Variants in GBP7 observed in about 807,000 individuals in gnomAD.
The protein encoded by GBP7 is guanylate-binding protein 7.
Under a neutral mutation model 61.3 loss-of-function variants are expected in GBP7, and 43 were observed. The ratio of observed to expected loss-of-function variants is 0.70; its 90% CI spans 0.55 to 0.91. GBP7 has a LOEUF of 0.91. GBP7 is among the 40% of genes least tolerant of loss of function. The probability of loss-of-function intolerance (pLI) is 0.00; values close to 1 mark genes in which losing one functional copy is unlikely to be tolerated. For synonymous variants in GBP7, 267 were observed against 271.0 expected (o/e 0.99, Z 0.14); for missense variants, 717 against 740.5 (o/e 0.97, Z 0.37).
Position 89,147,794 on chromosome 1 carries a change from T to C in GBP7, c.1153-15A>G. 1 of 1,613,100 alleles carries C rather than the reference T, an allele frequency of 6.2e-7. No homozygotes were observed. Among genetic ancestry groups the C allele is most frequent in the South Asian group, 1.1e-5 (1 of 91,044 alleles). ...TCCATGGTGTCCTGCCAGAAAAGTG[T>C]AGGGAAAAACAGTAGAAAGAAGCTG... On this transcript the variant is annotated splice_polypyrimidine_tract_variant and intron_variant, in intron 7 of 10. Transcript: ENST00000294671.
chr1:89,140,295 T>TG (rs1362837059), intron 9 of GBP7, among the ~76,000 whole-genome samples: 2 of 36,538 alleles, frequency 5.5e-5, no homozygotes, highest in African/African-American at 1.2e-4. Flanking sequence ...TGTTGTGGGG[T>TG]GGGGGGAGGG....
intron 3 of GBP7, among the ~76,000 whole-genome samples, chr1:89,159,651 A>G (rs1222114383): frequency 6.6e-6 from 1 of 152,230 alleles, no homozygotes; most frequent in Non-Finnish European, 1.5e-5. Flanking sequence ...GCAAATCAAA[A>G]CTACAGTGAG....
chr1:89,142,789 C>CAA (rs11425074), intron 8 of GBP7, among the ~76,000 whole-genome samples: 4 of 151,960 alleles, frequency 2.6e-5, no homozygotes, highest in East Asian at 1.9e-4. Flanking sequence ...TCCCTTCTTT[C>CAA]AAAAAAAATT....
rs768680985 is a variant in GBP7, at chr1:89,171,777, G to A, written c.159C>T (p.Tyr53=). The change falls in exon 2 of 11, where the codon TAC becomes TAT. Residue 53 remains tyrosine, a synonymous_variant. Transcript: ENST00000294671. ...TCTTCCCAGCCAGCTTGTTCATTAG[G>A]TAGGATTTGCCTGTGCGGTAGAGGC... The part of the protein sequence containing the change: ...IVGLYRTGKS[Y]LMNKLAGKNK... 1.7e-5 allele frequency: 27 copies of A among 1,612,940 alleles called. No homozygotes were observed. The South Asian group carries it at 2.7e-4, about 16-fold the overall frequency.
At chr1:89,147,108 C>A (rs1203633970) in intron 8 of GBP7, among the ~76,000 whole-genome samples, 1 of 152,142 alleles carries the variant, frequency 6.6e-6, no homozygotes, top group Non-Finnish European at 1.5e-5. Flanking sequence ...ATATCTGATA[C>A]ACAAAATGAA....
At chr1:89,154,656 CTT>C (rs750224571) in intron 3 of GBP7, among the ~76,000 whole-genome samples, 14 of 141,292 alleles carry the variant, frequency 9.9e-5, no homozygotes, top group African/African-American at 1.3e-4. Flanking sequence ...CTCTATTTTC[CTT>C]TTTTTTTTTT....
intron 1 of GBP7, among the ~76,000 whole-genome samples, chr1:89,174,906 G>A (rs1647699741): frequency 6.6e-6 from 1 of 152,104 alleles, no homozygotes; most frequent in South Asian, 2.1e-4. Context: ...AAAAACCATG[G>A]CTTGTTTTTT....
Position 89,147,624 on chromosome 1 carries a change from T to A in GBP7, c.1308A>T (p.Leu436Phe), listed in dbSNP as rs752164163. The change falls in exon 8 of 11, where the codon TTA becomes TTT. Residue 436 changes from leucine (L) to phenylalanine (F), a missense_variant. By Grantham distance (22) the Leu-to-Phe change is conservative. This residue lies in a region of GBP7 where 312 missense variants were observed against 310.1 expected (regional missense o/e 1.01). Coordinates refer to ENST00000294671, the MANE Select transcript of GBP7 (RefSeq NM_207398.3). ...CCTGTTCAATCTTCTTTTTTGCTTCTAAGTAGATATTGTGCCCCCCCGGAA... is the reference window on the plus strand; with the variant it reads ...CCTGTTCAATCTTCTTTTTTGCTTCAAAGTAGATATTGTGCCCCCCCGGAA... Reference protein sequence around the residue: ...FFVPGGHNIYLEAKKKIEQDY... With the variant: ...FFVPGGHNIYFEAKKKIEQDY... 9.9e-6 allele frequency: 16 copies of A among 1,614,168 alleles called. No individual in the cohort carries two copies. In the Admixed American group the frequency reaches 2.7e-4, roughly 27 times the overall value.
intron 9 of GBP7, among the ~76,000 whole-genome samples, chr1:89,138,273 C>T (rs375746813): frequency 7.2e-5 from 11 of 152,094 alleles, no homozygotes; most frequent in East Asian, 1.9e-4. Flanking sequence ...ATCAAATTAT[C>T]GATGACTTTT....
At chr1:89,156,292 CAACT>C (rs1682313547) in intron 3 of GBP7, among the ~76,000 whole-genome samples, 1 of 152,164 alleles carries the variant, frequency 6.6e-6, no homozygotes, top group African/African-American at 2.4e-5. Context: ...GAAACTGCAT[CAACT>C]AACTAGCAAA....
intron 8 of GBP7, among the ~76,000 whole-genome samples, chr1:89,146,220 A>G (rs932962376): frequency 1.3e-5 from 2 of 152,240 alleles, no homozygotes; most frequent in African/African-American, 4.8e-5. Context: ...AGTATCTTTA[A>G]TAAATGGTGG....
At chr1:89,152,599 A>G in intron 4 of GBP7, 69 bp downstream of exon 4, 1 of 1,524,076 alleles carries the variant, frequency 6.6e-7, no homozygotes, top group South Asian at 1.1e-5. Context: ...CACAACAAAG[A>G]AGACACAGTA....
intron 1 of GBP7, among the ~76,000 whole-genome samples, chr1:89,175,297 G>A (rs1476563439): frequency 9.2e-5 from 14 of 152,132 alleles, no homozygotes; most frequent in Admixed American, 7.9e-4. Flanking sequence ...AAAAAAAGCC[G>A]TTTATTTTTC....
Position 89,132,332 on chromosome 1 carries a change from C to T in GBP7, c.1734G>A (p.Leu578=), listed in dbSNP as rs1443889588. 2 of 1,613,304 alleles carry T rather than the reference C, an allele frequency of 1.2e-6. No homozygotes were observed. The highest frequency in any genetic ancestry group is 1.3e-5 in the African/African-American group (1 of 75,050). The change falls in exon 11 of 11, where the codon CTG becomes CTA. Residue 578 remains leucine, a synonymous_variant. Transcript: ENST00000294671. ...TTTCAGCTGCTTCAATTTGTTCTTT[C>T]AGTCGATTAATCTCTTCATTTAACG... ...FESLNEEINR[L]KEQIEAAENE...
intron 3 of GBP7, among the ~76,000 whole-genome samples, chr1:89,156,725 C>A (rs952993489): frequency 6.6e-6 from 1 of 152,184 alleles, no homozygotes; most frequent in African/African-American, 2.4e-5. Context: ...TAGAGACCTA[C>A]AAAGAGACTT....
Position 89,147,768 on chromosome 1 carries a change from C to G in GBP7, c.1164G>C (p.Glu388Asp). Residue 388 changes from glutamate (E) to aspartate (D), a missense_variant, in exon 8 of 11, where the codon GAG (glutamate) becomes GAC (aspartate). Physicochemically the swap from Glu to Asp is conservative, Grantham distance 45. Transcript: ENST00000294671. ...EFQKKLVDTM[E>D]KKKEDFVLQN... ...GCAGCACAAAGTCTTCCTTCTTTTTCTCCATGGTGTCCTGCCAGAAAAGTG... is the reference window on the plus strand; with the variant it reads ...GCAGCACAAAGTCTTCCTTCTTTTTGTCCATGGTGTCCTGCCAGAAAAGTG... 6.2e-7 allele frequency: 1 copy of G among 1,614,064 alleles called. No individual in the cohort carries two copies. Among genetic ancestry groups the G allele is most frequent in the Non-Finnish European group, 8.5e-7 (1 of 1,179,974 alleles).
At chr1:89,164,101 C>T (rs1403124075) in intron 3 of GBP7, among the ~76,000 whole-genome samples, 3 of 152,172 alleles carry the variant, frequency 2.0e-5, no homozygotes, top group Non-Finnish European at 4.4e-5. Context: ...GACTTCTGAC[C>T]TCAGATGGTC....
In GBP7 at chr1:89,150,488, C is replaced by T. The variant is rs142086618; in HGVS notation, c.713G>A (p.Arg238Gln). 318 of 1,613,982 alleles carry T rather than the reference C, an allele frequency of 2.0e-4. 2 individuals carry two copies. In the South Asian group the frequency reaches 2.3e-3, roughly 12 times the overall value. Residue 238 changes from arginine (R) to glutamine (Q), a missense_variant, in exon 6 of 11, where the codon CGG becomes CAG. Physicochemically the swap from Arg to Gln is conservative, Grantham distance 43. Around this residue, in one of 3 missense-constraint regions of GBP7, gnomAD observed 387 missense variants for 385.2 expected, o/e 1.00. Coordinates refer to ENST00000294671, the MANE Select transcript of GBP7 (RefSeq NM_207398.3). ...TAAGAGTTTTTTGTCATTTATTGGCCGGTCAAAGACAAAGCACTTCTGTTT... is the reference window on the plus strand; with the variant it reads ...TAAGAGTTTTTTGTCATTTATTGGCTGGTCAAAGACAAAGCACTTCTGTTT... The part of the protein sequence containing the change: ...FPKQKCFVFD[R>Q]PINDKKLLLH...
chr1:89,136,444 C>A lies in GBP7; in HGVS notation c.1469-2993G>T, dbSNP rs185875048. Among the ~76,000 whole-genome samples, 42 of 151,688 alleles carry A rather than the reference C, an allele frequency of 2.8e-4. No homozygotes were observed. In the East Asian group the frequency reaches 7.3e-3, roughly 26 times the overall value. ...CAATTCTCAACAAATAAAAAAAAAA[C>A]CCAAATCATACCAATGCTGTCAGAC... On this transcript the variant is annotated intron_variant, in intron 9 of 10. Transcript: ENST00000294671.
Sources: gnomAD v4.1 joint callset for allele counts (sites outside exome capture counted in the v4.1 genomes callset) on GRCh38, gnomAD v4.1.1 for gene constraint, gnomAD v4.1.1 regional missense constraint, MANE v1.5 for transcripts, NCBI Gene and HGNC (gene_info 2026-07-23, HGNC 2026-07-21) for gene names.